The following NRG2 variants were observed in gnomAD, a reference collection of about 807,000 sequenced individuals.
NRG2 encodes the protein pro-neuregulin-2, membrane-bound isoform.
In NRG2, 27 loss-of-function variants were observed where a neutral mutation model predicts 73.9. That is an observed-to-expected ratio of 0.37 (90% CI 0.27 to 0.50). NRG2 has a LOEUF of 0.50. Among genes scored for constraint, NRG2 ranks in the 20% least tolerant of loss-of-function variants. The pLI is 0.96. For missense variants in NRG2, 1,126 were observed against 1,210.1 expected (o/e 0.93, Z 1.03); for synonymous variants, 532 against 541.0 (o/e 0.98, Z 0.23).
intron 1 of NRG2, among the ~76,000 whole-genome samples, chr5:140,007,563 T>G (rs900905054): frequency 2.0e-5 from 3 of 152,096 alleles, no homozygotes; most frequent in Non-Finnish European, 4.4e-5. Flanking sequence ...GCCGGAGGCC[T>G]GTCTGTACAT....
rs1761380338 is a variant in NRG2, at chr5:139,851,003, T to C, written c.1772+601A>G. On this transcript the variant is annotated intron_variant, in intron 9 of 9. Coordinates refer to ENST00000361474, the MANE Select transcript of NRG2 (RefSeq NM_004883.3). The surrounding 1 kb of genome is among the most constrained non-coding windows in gnomAD (Gnocchi z 4.2). ...GTTTGTTCTTTTTTTTTTTTTCTTT[T>C]TGTAAAGGGAGTCTTGCTCTGTTGC... 2.0e-5 allele frequency among the ~76,000 whole-genome samples: 3 copies of C among 151,988 alleles called. 1 individual carries two copies. The highest frequency in any genetic ancestry group is 1.3e-4 in the Admixed American group (2 of 15,260).
chr5:139,858,349 T>G (rs1761937376), intron 5 of NRG2, among the ~76,000 whole-genome samples: 1 of 152,212 alleles, frequency 6.6e-6, no homozygotes, highest in African/African-American at 2.4e-5. Context: ...CCACTTTTCA[T>G]CAGGTCTTAA....
intron 1 of NRG2, among the ~76,000 whole-genome samples, chr5:139,941,201 G>A (rs1183564659): frequency 6.6e-6 from 1 of 152,116 alleles, no homozygotes. Context: ...TTAAGAGCCA[G>A]GTATTAAAGA....
At chr5:139,957,008 G>A (rs1345653249) in intron 1 of NRG2, among the ~76,000 whole-genome samples, 1 of 152,220 alleles carries the variant, frequency 6.6e-6, no homozygotes, top group African/African-American at 2.4e-5. Context: ...ACTTTGAAAG[G>A]AACATCTGGC....
chr5:139,849,687 C>T (rs957790125), intron 9 of NRG2, among the ~76,000 whole-genome samples: 3 of 152,144 alleles, frequency 2.0e-5, no homozygotes, highest in Admixed American at 1.3e-4. Flanking sequence ...CTGGAGTCCC[C>T]ATTATCATTT....
intron 2 of NRG2, among the ~76,000 whole-genome samples, chr5:139,886,067 C>T (rs548792704): frequency 6.6e-6 from 1 of 152,216 alleles, no homozygotes; most frequent in Non-Finnish European, 1.5e-5. Context: ...CATATAGAAC[C>T]CCCCACTCGC....
intron 1 of NRG2, among the ~76,000 whole-genome samples, chr5:139,972,157 C>T (rs921664974): frequency 6.6e-6 from 1 of 152,076 alleles, no homozygotes; most frequent in Non-Finnish European, 1.5e-5. Context: ...TGTTAAGTGA[C>T]ATTTTGTATT....
chr5:139,939,537 A>C (rs927497751), intron 1 of NRG2, among the ~76,000 whole-genome samples: 6 of 152,144 alleles, frequency 3.9e-5, no homozygotes, highest in Non-Finnish European at 7.3e-5. Flanking sequence ...GGCCTCCCAA[A>C]GTGCTGGGAT....
Position 139,856,701 on chromosome 5 carries a change from C to A in NRG2, c.1190-923G>T, listed in dbSNP as rs751892096. Among the ~76,000 whole-genome samples, 43 of 152,174 alleles carry A rather than the reference C, an allele frequency of 2.8e-4. No homozygotes were observed. The highest frequency in any genetic ancestry group is 1.0e-3 in the Admixed American group (16 of 15,290). Reference sequence around the variant, plus strand: ...ATATCCTGTGGCAAAGGTGTACACACCAGGAAACACCCAGGGCTACAAACC... The same window carrying A: ...ATATCCTGTGGCAAAGGTGTACACAACAGGAAACACCCAGGGCTACAAACC... On this transcript the variant is annotated intron_variant, in intron 5 of 9. Transcript: ENST00000361474. This position sits in a 1 kb window ranked among gnomAD's most constrained non-coding sequence, Gnocchi z 4.2.
intron 4 of NRG2, 39 bp downstream of exon 4, chr5:139,871,682 C>G (rs750292780): frequency 2.8e-5 from 45 of 1,611,718 alleles, no homozygotes; most frequent in Non-Finnish European, 3.6e-5. Flanking sequence ...ATCTCCTACC[C>G]TGTTCTTGCT....
Position 139,940,534 on chromosome 5 carries a change from T to A in NRG2, c.701-53023A>T, listed in dbSNP as rs145307750. Among the ~76,000 whole-genome samples the A allele has an allele frequency of 4.0e-3, 615 of 152,336 alleles. 3 individuals are homozygous for A. The highest frequency in any genetic ancestry group is 0.015 in the African/African-American group (604 of 41,580). ...CTCTTAAAATTGGTGAAATTTATTG[T>A]CTTAATTCTGTCTCAATTTTTAAAA... is the stretch of plus-strand genomic sequence containing the variant. On this transcript the variant is annotated intron_variant, in intron 1 of 9. Transcript: ENST00000361474.
intron 1 of NRG2, among the ~76,000 whole-genome samples, chr5:139,889,976 T>C (rs191229202): frequency 7.2e-5 from 11 of 152,336 alleles, no homozygotes; most frequent in Admixed American, 3.3e-4. Flanking sequence ...TATTCACAAT[T>C]ATTTCCTAAG....
At chr5:140,033,992 T>C (rs1240612740) in intron 1 of NRG2, among the ~76,000 whole-genome samples, 3 of 150,872 alleles carry the variant, frequency 2.0e-5, no homozygotes, top group Non-Finnish European at 4.4e-5. Flanking sequence ...GGAGTCTCGC[T>C]CTATCACCCA....
At chr5:140,007,478 A>G (rs760064292) in intron 1 of NRG2, among the ~76,000 whole-genome samples, 1 of 152,080 alleles carries the variant, frequency 6.6e-6, no homozygotes, top group Non-Finnish European at 1.5e-5. Context: ...GAGCTCAGAA[A>G]GAGGAGATCA....
intron 1 of NRG2, among the ~76,000 whole-genome samples, chr5:139,945,455 G>A (rs1049498220): frequency 6.6e-6 from 1 of 151,974 alleles, no homozygotes; most frequent in African/African-American, 2.4e-5. Context: ...AATATCAGTT[G>A]GCTGTAAATA....
At chr5:139,861,678 A>G in intron 5 of NRG2, 1 of 503,106 alleles carries the variant, frequency 2.0e-6, no homozygotes, top group South Asian at 1.5e-5. Context: ...AAGTTGCCGT[A>G]AGTACAGTTT....
chr5:139,932,415 T>A (rs1752542701), intron 1 of NRG2, among the ~76,000 whole-genome samples: 1 of 147,226 alleles, frequency 6.8e-6, no homozygotes, highest in African/African-American at 2.6e-5. Flanking sequence ...AGTAGATTTT[T>A]TTTTTTAAAA....
intron 1 of NRG2, among the ~76,000 whole-genome samples, chr5:139,972,805 T>C (rs1448496079): frequency 2.0e-5 from 3 of 152,096 alleles, no homozygotes; most frequent in Non-Finnish European, 4.4e-5. Context: ...TAAAGATTAA[T>C]ACCCTAGATA....
chr5:139,977,756 A>G (rs1756484357), intron 1 of NRG2, among the ~76,000 whole-genome samples: 1 of 152,210 alleles, frequency 6.6e-6, no homozygotes, highest in African/African-American at 2.4e-5. Context: ...ATATAGACCA[A>G]CGGAACAGAA....
Sources: allele counts gnomAD v4.1 joint callset (sites outside exome capture counted in the v4.1 genomes callset), GRCh38; gene constraint gnomAD v4.1.1; non-coding constraint Gnocchi (gnomAD v3.1); transcripts MANE v1.5; gene names NCBI Gene and HGNC (gene_info 2026-07-23, HGNC 2026-07-21).